The following ABLIM2 variants were observed in gnomAD, a reference collection of about 807,000 sequenced individuals.
ABLIM2 encodes the protein actin-binding LIM protein 2.
Under a neutral mutation model 97.7 loss-of-function variants are expected in ABLIM2, and 53 were observed. The observed-to-expected ratio is 0.54, with a 90% CI of 0.44 to 0.68. The LOEUF (loss-of-function observed/expected upper bound fraction) is 0.68. ABLIM2 is among the 30% of genes least tolerant of loss of function. The pLI is 0.00. For missense variants in ABLIM2, 835 were observed against 867.2 expected, an observed-to-expected ratio of 0.96 and a Z score of 0.47; for synonymous variants, 361 against 345.8, an observed-to-expected ratio of 1.04 and a Z score of -0.49.
At chr4:8,145,180 G>T (rs1360972140) in intron 1 of ABLIM2, among the ~76,000 whole-genome samples, 3 of 148,550 alleles carry the variant, frequency 2.0e-5, no homozygotes, top group Admixed American at 6.7e-5. Flanking sequence ...TAAATGGCAG[G>T]TATTGATTTT....
Position 8,058,333 on chromosome 4 carries a change from C to T in ABLIM2, c.763+2634G>A. ...AGGCGACACCGGGGACGAGGCTGTC[C>T]TGTCTGACATCACCCCGCTGGGTTC... On this transcript the variant is annotated intron_variant, in intron 7 of 20. Transcript: ENST00000447017. The surrounding 1 kb of genome is among the most constrained non-coding windows in gnomAD (Gnocchi z 4.2). Among the ~76,000 whole-genome samples the T allele has an allele frequency of 6.6e-6, 1 of 152,240 alleles. No homozygotes were observed. The highest frequency in any genetic ancestry group is 1.5e-5 in the Non-Finnish European group (1 of 68,042).
intron 1 of ABLIM2, among the ~76,000 whole-genome samples, chr4:8,139,460 A>G (rs1449407079): frequency 6.6e-6 from 1 of 152,232 alleles, no homozygotes; most frequent in Non-Finnish European, 1.5e-5. Flanking sequence ...GAGACACTTC[A>G]CAAAAGAAGA....
intron 6 of ABLIM2, among the ~76,000 whole-genome samples, chr4:8,073,266 A>T (rs968209082): frequency 3.3e-5 from 5 of 151,250 alleles, no homozygotes; most frequent in Non-Finnish European, 7.4e-5. Context: ...GTCAGGATAG[A>T]AATGGGGTCT....
At chr4:8,091,050 A>T (rs923138426) in intron 3 of ABLIM2, among the ~76,000 whole-genome samples, 23 of 151,214 alleles carry the variant, frequency 1.5e-4, no homozygotes, top group African/African-American at 5.4e-4. Context: ...GAAACTGCCA[A>T]GCCGGTTTCC....
At chr4:8,119,741 ACAAT>A (rs1407830059) in intron 1 of ABLIM2, among the ~76,000 whole-genome samples, 1 of 152,124 alleles carries the variant, frequency 6.6e-6, no homozygotes, top group South Asian at 2.1e-4. Flanking sequence ...AAACAAACAA[ACAAT>A]CAAACAAACA....
intron 6 of ABLIM2, among the ~76,000 whole-genome samples, chr4:8,066,351 A>G (rs1580330597): frequency 1.4e-5 from 1 of 69,734 alleles, no homozygotes; most frequent in African/African-American, 5.8e-5. Context: ...GGAGAGAGGG[A>G]GGGAGGGAGG....
chr4:8,097,678 G>C (rs1339506694), intron 2 of ABLIM2, among the ~76,000 whole-genome samples: 1 of 152,154 alleles, frequency 6.6e-6, no homozygotes, highest in Admixed American at 6.5e-5. Context: ...GATCAGGAAG[G>C]GGCTAATGCC....
intron 7 of ABLIM2, among the ~76,000 whole-genome samples, chr4:8,057,587 C>T (rs777966762): frequency 6.6e-6 from 1 of 152,178 alleles, no homozygotes; most frequent in Non-Finnish European, 1.5e-5. Flanking sequence ...CTTGACTTCT[C>T]ACCAACATGG....
chr4:8,102,888 G>T (rs1294477961), intron 2 of ABLIM2, among the ~76,000 whole-genome samples: 1 of 152,228 alleles, frequency 6.6e-6, no homozygotes, highest in Non-Finnish European at 1.5e-5. Flanking sequence ...GTGTGACCGA[G>T]TTCTGGCCAA....
At chr4:8,048,636 G>A (rs1241324691) in intron 8 of ABLIM2, among the ~76,000 whole-genome samples, 3 of 152,192 alleles carry the variant, frequency 2.0e-5, no homozygotes, top group African/African-American at 4.8e-5. Flanking sequence ...AGCCGGAACG[G>A]CCCCGCGTTT....
chr4:7,983,652 C>T lies in ABLIM2; in HGVS notation c.1736-98G>A, dbSNP rs1740852908. The T allele has an allele frequency of 3.5e-6, 5 of 1,437,902 alleles. No homozygotes were observed. In the South Asian group the frequency reaches 6.1e-5, roughly 17 times the overall value. The allele number at this position is 1,437,902 out of a possible 1,614,324, so 89.1% of individuals were successfully genotyped here. ...CCCTGCCCTGGGGTACCCCTGTCTC[C>T]CCCCTGCAGTCACCTGGGCCATGCA... On this transcript the variant is annotated intron_variant, in intron 18 of 20. Transcript: ENST00000447017.
chr4:8,072,081 A>C lies in ABLIM2; in HGVS notation c.675+5547T>G. On this transcript the variant is annotated intron_variant, in intron 6 of 20. Coordinates refer to ENST00000447017, the MANE Select transcript of ABLIM2 (RefSeq NM_001130083.2). The surrounding 1 kb of genome is among the most constrained non-coding windows in gnomAD (Gnocchi z 5.8). ...AGCCCGCCGACTCAGCCACGCCGCC[A>C]CAGACTCGCCTCCCCGGCAGAGGCG... The C allele has an allele frequency of 3.0e-6, 3 of 985,332 alleles. No individual in the cohort carries two copies. The highest frequency in any genetic ancestry group is 3.6e-6 in the Non-Finnish European group (3 of 829,848). The allele number at this position is 985,332 out of a possible 1,614,324, so 61.0% of individuals were successfully genotyped here.
intron 10 of ABLIM2, among the ~76,000 whole-genome samples, chr4:8,034,882 G>A: frequency 8.5e-6 from 1 of 118,044 alleles, no homozygotes; most frequent in South Asian, 3.3e-4. Context: ...GGTTCAGGTC[G>A]GTGGGTGGTA....
intron 5 of ABLIM2, among the ~76,000 whole-genome samples, chr4:8,079,334 T>G (rs1365294812): frequency 6.6e-6 from 1 of 152,234 alleles, no homozygotes; most frequent in Non-Finnish European, 1.5e-5. Context: ...GGGACAGCTC[T>G]GGAGGCTGCT....
rs934209504 is a variant in ABLIM2 at position 8,005,275 on chromosome 4, C to A, written c.1618+2784G>T. 9.5e-6 allele frequency: 5 copies of A among 524,404 alleles called. No individual in the cohort carries two copies. The Admixed American group carries it at 9.7e-5, about 10-fold the overall frequency. The allele number at this position is 524,404 out of a possible 1,614,324, so 32.5% of individuals were successfully genotyped here. A position where few individuals can be genotyped will look rare whatever the true frequency, so the allele number is the denominator to read the frequency against. ...GGGGCTGCTCTTGTCTTCTCTGTCCCCCTCGGCGCCCCGCTCAGCGTCTGG... is the reference window on the plus strand; with the variant it reads ...GGGGCTGCTCTTGTCTTCTCTGTCCACCTCGGCGCCCCGCTCAGCGTCTGG... On this transcript the variant is annotated intron_variant, in intron 16 of 20. Transcript: ENST00000447017. This position sits in a 1 kb window ranked among gnomAD's most constrained non-coding sequence, Gnocchi z 4.9.
intron 20 of ABLIM2, among the ~76,000 whole-genome samples, chr4:7,982,318 G>A (rs76579173): frequency 6.6e-6 from 1 of 152,312 alleles, no homozygotes; most frequent in East Asian, 1.9e-4. Flanking sequence ...GATGGTGCTG[G>A]GTGTCCCCTT....
In ABLIM2 at chr4:8,022,442, A is replaced by G. The variant is rs527818287; in HGVS notation, c.1268-2139T>C. On this transcript the variant is annotated intron_variant, in intron 12 of 20. Coordinates refer to ENST00000447017, the MANE Select transcript of ABLIM2 (RefSeq NM_001130083.2). The surrounding 1 kb of genome is among the most constrained non-coding windows in gnomAD (Gnocchi z 7.8). ...CCGGAGACTCATCAGCTTTCATCAG[A>G]TACTTGGAGGGGCCTGAGGCCGCAG... 7.9e-5 allele frequency among the ~76,000 whole-genome samples: 12 copies of G among 152,240 alleles called. No homozygotes were observed. In the South Asian group the frequency reaches 2.5e-3, roughly 32 times the overall value.
intron 6 of ABLIM2, among the ~76,000 whole-genome samples, chr4:8,066,316 A>G (rs1445495936): frequency 7.0e-6 from 1 of 142,542 alleles, no homozygotes; most frequent in Non-Finnish European, 1.5e-5. Flanking sequence ...AAAAAAAAAA[A>G]AAAAAGAAAA....
chr4:8,088,401 A>C (rs1825235793), intron 3 of ABLIM2, 117 bp from the exon 4 acceptor site: 1 of 750,392 alleles, frequency 1.3e-6, no homozygotes. Context: ...CAAAGGTACC[A>C]CTCACAGGCT....
Sources: allele counts gnomAD v4.1 joint callset (sites outside exome capture counted in the v4.1 genomes callset), GRCh38; gene constraint gnomAD v4.1.1; non-coding constraint Gnocchi (gnomAD v3.1); transcripts MANE v1.5; gene names NCBI Gene and HGNC (gene_info 2026-07-23, HGNC 2026-07-21).